WDFY4: variants seen among roughly 807,000 people sequenced by gnomAD.
WDFY4 encodes WDFY family member 4.
Under a neutral mutation model 351.9 loss-of-function variants are expected in WDFY4, and 169 were observed. The ratio of observed to expected loss-of-function variants is 0.48; its 90% CI spans 0.42 to 0.55. The LOEUF (loss-of-function observed/expected upper bound fraction) is 0.55, where lower values mean the gene tolerates loss of function less well. Ranked by LOEUF, WDFY4 falls within the 20% of genes least tolerant of loss-of-function variation. WDFY4 has a pLI of 0.00. For synonymous variants in WDFY4, 1,622 were observed against 1,574.6 expected (o/e 1.03, Z -0.71); for missense variants, 3,803 against 3,935.6 (o/e 0.97, Z 0.90).
intron 47 of WDFY4, among the ~76,000 whole-genome samples, chr10:48,904,669 C>T (rs1837525716): frequency 6.6e-6 from 1 of 152,144 alleles, no homozygotes; most frequent in Admixed American, 6.5e-5. Context: ...TGCAGGAATC[C>T]CACCACACAC....
In WDFY4 at chr10:48,760,337, C is replaced by T. The variant is rs1589539023; in HGVS notation, c.2460-10C>T. 4 of 1,551,330 alleles carry T rather than the reference C, an allele frequency of 2.6e-6. No homozygotes were observed. The highest frequency in any genetic ancestry group is 3.5e-6 in the Non-Finnish European group (4 of 1,146,796). On this transcript the variant is annotated splice_polypyrimidine_tract_variant and intron_variant, in intron 12 of 61. Transcript: ENST00000325239. ...CCGTGTCTCATGTCTGGCTCTCCCT[C>T]TCTCTGCAGGATGGATGAGGGAGAT...
chr10:48,839,654 A>G (rs2068528131), intron 39 of WDFY4, among the ~76,000 whole-genome samples: 1 of 152,240 alleles, frequency 6.6e-6, no homozygotes, highest in Non-Finnish European at 1.5e-5. Flanking sequence ...AAAACCACAG[A>G]AAAGACAAGG....
chr10:48,843,678 G>A (rs145646818), intron 39 of WDFY4, among the ~76,000 whole-genome samples: 4 of 152,194 alleles, frequency 2.6e-5, no homozygotes, highest in Non-Finnish European at 5.9e-5. Context: ...AAAATCGAAT[G>A]TAGTTCTTTA....
chr10:48,877,692 C>G (rs1435846775), intron 43 of WDFY4, among the ~76,000 whole-genome samples: 1 of 152,222 alleles, frequency 6.6e-6, no homozygotes, highest in Admixed American at 6.5e-5. Flanking sequence ...GGGGTAAGCA[C>G]ACTTGTGGCA....
At chr10:48,792,261 A>G (rs2066708514) in intron 23 of WDFY4, among the ~76,000 whole-genome samples, 1 of 152,186 alleles carries the variant, frequency 6.6e-6, no homozygotes, top group Non-Finnish European at 1.5e-5. Flanking sequence ...TAGCAAAGGC[A>G]GCATTCTCTT....
chr10:48,768,355 C>A (rs1346869885), intron 13 of WDFY4, among the ~76,000 whole-genome samples: 1 of 152,190 alleles, frequency 6.6e-6, no homozygotes, highest in Non-Finnish European at 1.5e-5. Flanking sequence ...GCACAGCGAG[C>A]CCCTTTGCAG....
intron 39 of WDFY4, among the ~76,000 whole-genome samples, chr10:48,838,957 G>T (rs1224859711): frequency 6.6e-6 from 1 of 152,196 alleles, no homozygotes; most frequent in Non-Finnish European, 1.5e-5. Context: ...TCTTGCTGAG[G>T]CTGAGGGCAC....
chr10:48,820,683 G>T (rs2067792938), intron 33 of WDFY4, among the ~76,000 whole-genome samples: 1 of 152,178 alleles, frequency 6.6e-6, no homozygotes, highest in Non-Finnish European at 1.5e-5. Flanking sequence ...TGGAGGCGGT[G>T]TTCTCAGGAG....
chr10:48,933,652 G>A (rs562203143), intron 47 of WDFY4, among the ~76,000 whole-genome samples: 1 of 152,256 alleles, frequency 6.6e-6, no homozygotes, highest in Non-Finnish European at 1.5e-5. Flanking sequence ...AGTTCTAGGG[G>A]CTGAGATGAG....
intron 39 of WDFY4, among the ~76,000 whole-genome samples, chr10:48,837,426 C>T (rs7912174): frequency 0.4 from 60,103 of 151,990 alleles, 12,785 homozygotes; most frequent in East Asian, 0.71. Context: ...GCATCTGCTC[C>T]TATAGGTGAG....
chr10:48,891,666 G>C (rs1358180074), intron 44 of WDFY4, among the ~76,000 whole-genome samples: 1 of 152,196 alleles, frequency 6.6e-6, no homozygotes, highest in African/African-American at 2.4e-5. Context: ...CCTGGGTCCT[G>C]CCCCACCCTA....
At chr10:48,704,224 T>C in intron 1 of WDFY4, among the ~76,000 whole-genome samples, 1 of 152,008 alleles carries the variant, frequency 6.6e-6, no homozygotes, top group East Asian at 1.9e-4. Flanking sequence ...AGAGGGGAAG[T>C]GACTCAGTTA....
rs1388791118 is a variant in WDFY4 at position 48,890,726 on chromosome 10, A to C, written c.7315A>C (p.Asn2439His). The change falls in exon 44 of 62, where the codon AAC becomes CAC. Residue 2439 changes from asparagine (N) to histidine (H), a missense_variant and splice_region_variant. By Grantham distance (68) the Asn-to-His change is moderately conservative. Coordinates refer to ENST00000325239, the MANE Select transcript of WDFY4 (RefSeq NM_001394531.1). Reference sequence around the variant, plus strand: ...CTACTGTACCCGTCACTGCTTATCCAAGTGAGTTATCCACTTCTCCCAGCA... The same window carrying C: ...CTACTGTACCCGTCACTGCTTATCCCAGTGAGTTATCCACTTCTCCCAGCA... ...DVYCTRHCLS[N>H]ISDPFIFNLC... The C allele has an allele frequency of 6.4e-7, 1 of 1,551,644 alleles. No homozygotes were observed. The highest frequency in any genetic ancestry group is 8.7e-7 in the Non-Finnish European group (1 of 1,146,958).
chr10:48,954,583 C>G (rs1232409694), intron 51 of WDFY4, among the ~76,000 whole-genome samples: 1 of 152,248 alleles, frequency 6.6e-6, no homozygotes, highest in East Asian at 1.9e-4. Flanking sequence ...ATTTTTCCCT[C>G]TTCTCTTTCT....
chr10:48,826,623 T>C (rs1275664428), intron 35 of WDFY4, 48 bp from the exon 36 acceptor site: 1 of 1,420,388 alleles, frequency 7.0e-7, no homozygotes, highest in Non-Finnish European at 9.7e-7. Flanking sequence ...TCTAAAATTG[T>C]AAAGCACTCA....
In WDFY4 at chr10:48,760,363, G is replaced by A. The variant is rs1248304153; in HGVS notation, c.2476G>A (p.Ala826Thr). ...DLEERMDEGDAAIMHPGVVCI... is the reference protein window; with the variant it reads ...DLEERMDEGDTAIMHPGVVCI... ...TCTCTGCAGGATGGATGAGGGAGAT[G>A]CTGCAATCATGCATCCCGGGGTCGT... Residue 826 changes from alanine (A) to threonine (T), a missense_variant, in exon 13 of 62, where the codon GCT becomes ACT. Coordinates refer to ENST00000325239, the MANE Select transcript of WDFY4 (RefSeq NM_001394531.1). The A allele has an allele frequency of 2.6e-6, 4 of 1,551,490 alleles. No individual in the cohort carries two copies. The highest frequency in any genetic ancestry group is 1.2e-5 in the South Asian group (1 of 84,062).
intron 52 of WDFY4, among the ~76,000 whole-genome samples, chr10:48,958,149 T>A (rs1482438760): frequency 1.3e-5 from 2 of 152,060 alleles, no homozygotes; most frequent in Admixed American, 6.5e-5. Context: ...GCAGAGGAGA[T>A]TAGTCCCTGC....
At chr10:48,817,859 G>A (rs570637611) in intron 32 of WDFY4, among the ~76,000 whole-genome samples, 9 of 152,360 alleles carry the variant, frequency 5.9e-5, no homozygotes, top group South Asian at 2.1e-4. Context: ...TCTAGGCAGT[G>A]GGTTTGCAGA....
intron 1 of WDFY4, among the ~76,000 whole-genome samples, chr10:48,703,561 C>T (rs913916073): frequency 6.6e-6 from 1 of 152,194 alleles, no homozygotes; most frequent in Non-Finnish European, 1.5e-5. Context: ...GGCACTGAGT[C>T]CCAAGCTAAC....
Sources: allele counts gnomAD v4.1 joint callset (sites outside exome capture counted in the v4.1 genomes callset), GRCh38; gene constraint gnomAD v4.1.1; transcripts MANE v1.5; gene names NCBI Gene and HGNC (gene_info 2026-07-23, HGNC 2026-07-21).